The following MID1 variants were observed in gnomAD, a reference collection of about 807,000 sequenced individuals.
The protein encoded by MID1 is midline 1.
MID1 carries 7 observed loss-of-function variants against 40.4 expected under a neutral mutation model. The observed-to-expected ratio is 0.17, with a 90% CI of 0.10 to 0.33. MID1 has a LOEUF of 0.33. MID1 is among the 10% of genes least tolerant of loss of function. The pLI, the probability that MID1 is intolerant of heterozygous loss-of-function variation, is 1.00. For synonymous variants in MID1, 229 were observed against 221.2 expected (o/e 1.04, Z -0.31); for missense variants, 367 against 558.5 (o/e 0.66, Z 3.46).
chrX:10,533,959 G>A lies in MID1; in HGVS notation c.661-10772C>T, dbSNP rs191393755. Among the ~76,000 whole-genome samples the A allele has an allele frequency of 8.2e-5, 9 of 110,331 alleles. No individual in the cohort carries two copies. In the East Asian group the frequency reaches 2.5e-3, roughly 31 times the overall value. ...GAGTTTTAAGTGCCGACTGGATAAG[G>A]AATTACTCATTGATTGCTATCTTCC... On this transcript the variant is annotated intron_variant, in intron 2 of 9. Coordinates refer to ENST00000317552, the MANE Select transcript of MID1 (RefSeq NM_000381.4).
chrX:10,509,601 T>G (rs1569075766), intron 3 of MID1, among the ~76,000 whole-genome samples: 1 of 111,617 alleles, frequency 9.0e-6, no homozygotes, highest in East Asian at 2.8e-4. Flanking sequence ...CCTACCTGGG[T>G]GGCAGAGCCC....
At chrX:10,760,674 T>C (rs773847149) in intron 1 of MID1, among the ~76,000 whole-genome samples, 61 of 110,911 alleles carry the variant, frequency 5.5e-4, no homozygotes, top group Non-Finnish European at 6.4e-4. Flanking sequence ...AATAAAAAAT[T>C]AGCTGGATGT....
At chrX:10,744,532 T>C (rs2043546240) in intron 1 of MID1, among the ~76,000 whole-genome samples, 1 of 111,179 alleles carries the variant, frequency 9.0e-6, no homozygotes, top group Admixed American at 9.5e-5. Context: ...AATATAGACA[T>C]ATTATGCCAC....
intron 1 of MID1, among the ~76,000 whole-genome samples, chrX:10,572,751 G>T (rs970473098): frequency 2.7e-5 from 3 of 111,655 alleles, no homozygotes; most frequent in Non-Finnish European, 3.8e-5. Flanking sequence ...GGGCAGATTG[G>T]TCCTCATTGA....
At chrX:10,609,156 T>TACACACACAC (rs369473330) in intron 1 of MID1, among the ~76,000 whole-genome samples, 3 of 106,978 alleles carry the variant, frequency 2.8e-5, no homozygotes, top group Admixed American at 1.0e-4. Context: ...CACACGTGCA[T>TACACACACAC]ACACACACAC....
chrX:10,731,779 C>A (rs1032719827), intron 1 of MID1, among the ~76,000 whole-genome samples: 4 of 108,687 alleles, frequency 3.7e-5, no homozygotes, highest in African/African-American at 1.3e-4. Flanking sequence ...GCCAACATGG[C>A]GAAAACACCG....
rs142928186 is a variant in MID1, at chrX:10,506,179, C to T, written c.757-10488G>A. On this transcript the variant is annotated intron_variant, in intron 3 of 9. Transcript: ENST00000317552. ...TTTGATGTCCAGTGATTCACATGTA[C>T]GTTTATTCAAACACAATGAAAGAGA... 234 of 929,774 alleles carry T rather than the reference C, an allele frequency of 2.5e-4. No individual in the cohort carries two copies. The African/African-American group carries it at 4.0e-3, about 16-fold the overall frequency. The allele number at this position is 929,774 out of a possible 1,213,427, so 76.6% of individuals were successfully genotyped here.
intron 1 of MID1, among the ~76,000 whole-genome samples, chrX:10,808,745 T>C (rs764034258): frequency 2.7e-5 from 3 of 111,772 alleles, no homozygotes; most frequent in Non-Finnish European, 3.8e-5. Context: ...TGAAACTGGA[T>C]CCCTTCCTTA....
chrX:10,710,287 C>T (rs145798167), intron 1 of MID1, among the ~76,000 whole-genome samples: 1 of 111,143 alleles, frequency 9.0e-6, no homozygotes, highest in Non-Finnish European at 1.9e-5. Context: ...AGAAGGATGC[C>T]ACAATCCAAC....
intron 1 of MID1, among the ~76,000 whole-genome samples, chrX:10,687,341 C>G (rs1000437586): frequency 8.9e-6 from 1 of 112,109 alleles, no homozygotes; most frequent in Non-Finnish European, 1.9e-5. Context: ...AGACAAAAGT[C>G]AGCCTAAAGA....
At chrX:10,803,598 G>A (rs2044024662) in intron 1 of MID1, among the ~76,000 whole-genome samples, 1 of 111,284 alleles carries the variant, frequency 9.0e-6, no homozygotes, top group South Asian at 3.8e-4. Flanking sequence ...TGATCTGCCC[G>A]CTTCGGCCTC....
intron 4 of MID1, among the ~76,000 whole-genome samples, chrX:10,490,630 T>C (rs985411240): frequency 1.8e-5 from 2 of 112,343 alleles, no homozygotes; most frequent in Non-Finnish European, 3.8e-5. Context: ...TGTGTCTATA[T>C]TCATGGGTGA....
chrX:10,765,682 G>A (rs975071419), intron 1 of MID1, among the ~76,000 whole-genome samples: 2 of 111,303 alleles, frequency 1.8e-5, no homozygotes, highest in Admixed American at 1.9e-4. Flanking sequence ...TGAAACTGGA[G>A]TCCTGGTTTG....
intron 1 of MID1, among the ~76,000 whole-genome samples, chrX:10,644,575 A>G (rs1482761930): frequency 1.8e-5 from 2 of 111,404 alleles, no homozygotes; most frequent in Non-Finnish European, 3.8e-5. Context: ...AGCAAGGGGC[A>G]GTTGATGTGC....
intron 6 of MID1, among the ~76,000 whole-genome samples, chrX:10,473,367 A>G (rs1389857223): frequency 8.9e-6 from 1 of 112,198 alleles, no homozygotes; most frequent in East Asian, 2.8e-4. Flanking sequence ...TTCTTCCTTA[A>G]TAGGAGTGGT....
chrX:10,719,600 A>T (rs1282131551), intron 1 of MID1, among the ~76,000 whole-genome samples: 2 of 112,299 alleles, frequency 1.8e-5, no homozygotes, highest in East Asian at 5.6e-4. Context: ...AAGAATCAAT[A>T]TCATGAAAAT....
At chrX:10,686,214 G>A (rs2043096820) in intron 1 of MID1, among the ~76,000 whole-genome samples, 1 of 111,352 alleles carries the variant, frequency 9.0e-6, no homozygotes, top group African/African-American at 3.3e-5. Context: ...TCTGGGGAAG[G>A]GGGTTTGGTG....
intron 8 of MID1, among the ~76,000 whole-genome samples, chrX:10,459,117 G>A (rs1288917540): frequency 9.0e-6 from 1 of 110,781 alleles, no homozygotes; most frequent in Non-Finnish European, 1.9e-5. Context: ...CATGCCGGTA[G>A]CATCCACCTC....
intron 1 of MID1, among the ~76,000 whole-genome samples, chrX:10,697,825 C>T (rs1392605062): frequency 1.8e-5 from 2 of 111,315 alleles, no homozygotes; most frequent in Admixed American, 9.5e-5. Context: ...CATTATAGAA[C>T]GTTTAGCAGC....
Sources: allele counts gnomAD v4.1 joint callset (sites outside exome capture counted in the v4.1 genomes callset), GRCh38; gene constraint gnomAD v4.1.1; transcripts MANE v1.5; gene names NCBI Gene and HGNC (gene_info 2026-07-23, HGNC 2026-07-21).